GPC6: variants seen among roughly 807,000 people sequenced by gnomAD.
GPC6 encodes glypican 6, also known as glypican-6.
GPC6 carries 14 observed loss-of-function variants against 55.2 expected under a neutral mutation model. That is an observed-to-expected ratio of 0.25 (90% CI 0.17 to 0.40). GPC6 has a LOEUF of 0.40. GPC6 is among the 10% of genes least tolerant of loss of function. GPC6 has a pLI of 1.00. For synonymous variants in GPC6, 278 were observed against 259.6 expected (o/e 1.07, Z -0.68); for missense variants, 641 against 708.5 (o/e 0.90, Z 1.08).
At chr13:93,682,009 A>G (rs182163652) in intron 2 of GPC6, among the ~76,000 whole-genome samples, 43 of 152,256 alleles carry the variant, frequency 2.8e-4, no homozygotes, top group African/African-American at 9.9e-4. Context: ...TAATTTAGAG[A>G]AGAACATTTT....
intron 3 of GPC6, among the ~76,000 whole-genome samples, chr13:93,853,000 TA>T (rs1249047742): frequency 6.6e-6 from 1 of 151,686 alleles, no homozygotes; most frequent in Non-Finnish European, 1.5e-5. Context: ...AAATGGTAAT[TA>T]AAAATCCAGT....
rs1273021153 is a variant in GPC6 at position 93,597,303 on chromosome 13, C to T, written c.319+51882C>T. 3.3e-5 allele frequency among the ~76,000 whole-genome samples: 5 copies of T among 152,280 alleles called. No homozygotes were observed. The East Asian group carries it at 9.7e-4, about 29-fold the overall frequency. ...TCACAGAGCATCATTATAGAGATAT[C>T]AGAGCAGACCCTAGTGAATGCCACA... On this transcript the variant is annotated intron_variant, in intron 2 of 8. Coordinates refer to ENST00000377047, the MANE Select transcript of GPC6 (RefSeq NM_005708.5).
chr13:93,477,937 A>C (rs1329308818), intron 1 of GPC6, among the ~76,000 whole-genome samples: 1 of 152,164 alleles, frequency 6.6e-6, no homozygotes, highest in Admixed American at 6.5e-5. Flanking sequence ...CTGCTTATTT[A>C]GAGTTATTAA....
chr13:93,806,259 C>T (rs186618108), intron 2 of GPC6, among the ~76,000 whole-genome samples: 16 of 152,266 alleles, frequency 1.1e-4, no homozygotes, highest in East Asian at 9.6e-4. Flanking sequence ...GCCTCTGTTC[C>T]ATTGTGCATT....
chr13:93,491,342 C>A (rs1245144389), intron 1 of GPC6, among the ~76,000 whole-genome samples: 1 of 32,066 alleles, frequency 3.1e-5, no homozygotes, highest in Non-Finnish European at 6.0e-5. Flanking sequence ...CTGTTCATGT[C>A]CTTCGCCCAC....
intron 2 of GPC6, among the ~76,000 whole-genome samples, chr13:93,739,683 C>T (rs1218063292): frequency 6.6e-6 from 1 of 152,196 alleles, no homozygotes; most frequent in South Asian, 2.1e-4. Flanking sequence ...CCCGCCTCCA[C>T]GTCCCAAAGT....
rs536875025 is a variant in GPC6, at chr13:93,656,553, A to G, written c.319+111132A>G. ...TTTTCTGTAAATGTACTTACCTCTT[A>G]GAGGCACGGTAGCCTGACTATCCAG... On this transcript the variant is annotated intron_variant, in intron 2 of 8. Transcript: ENST00000377047. 2.6e-5 allele frequency among the ~76,000 whole-genome samples: 4 copies of G among 152,238 alleles called. No individual in the cohort carries two copies. In the South Asian group the frequency reaches 6.2e-4, roughly 24 times the overall value.
At chr13:93,484,125 G>A (rs1019535927) in intron 1 of GPC6, among the ~76,000 whole-genome samples, 1 of 151,744 alleles carries the variant, frequency 6.6e-6, no homozygotes, top group Non-Finnish European at 1.5e-5. Flanking sequence ...TGGATCCAGG[G>A]TGTGTTATCT....
chr13:93,452,996 GCTTAA>G (rs1288034430), intron 1 of GPC6, among the ~76,000 whole-genome samples: 2 of 152,178 alleles, frequency 1.3e-5, no homozygotes, highest in African/African-American at 4.8e-5. Context: ...AGCTTTGTAA[GCTTAA>G]CTTATGTACC....
At chr13:94,012,965 C>T (rs190471855) in intron 3 of GPC6, among the ~76,000 whole-genome samples, 46 of 152,254 alleles carry the variant, frequency 3.0e-4, no homozygotes, top group East Asian at 1.7e-3. Flanking sequence ...CCTGATGAGA[C>T]GCTTAGGGAT....
chr13:93,303,363 ATAAG>A (rs1878745077), intron 1 of GPC6, among the ~76,000 whole-genome samples: 1 of 152,200 alleles, frequency 6.6e-6, no homozygotes, highest in Non-Finnish European at 1.5e-5. Flanking sequence ...TGTTGGGAAA[ATAAG>A]TAAGTTAATA....
At chr13:93,603,327 T>C (rs1878103463) in intron 2 of GPC6, among the ~76,000 whole-genome samples, 1 of 152,188 alleles carries the variant, frequency 6.6e-6, no homozygotes, top group African/African-American at 2.4e-5. Context: ...TATTATTTCT[T>C]GTTAGCCATA....
At chr13:93,234,057 C>T (rs954795032) in intron 1 of GPC6, among the ~76,000 whole-genome samples, 1 of 152,164 alleles carries the variant, frequency 6.6e-6, no homozygotes, top group African/African-American at 2.4e-5. Context: ...AAAACTGTAC[C>T]TGTCTGCTAG....
At chr13:93,924,207 G>A (rs1162066709) in intron 3 of GPC6, among the ~76,000 whole-genome samples, 2 of 152,204 alleles carry the variant, frequency 1.3e-5, no homozygotes, top group African/African-American at 2.4e-5. Context: ...TATACAGTAT[G>A]TATGGCTCTC....
chr13:93,369,530 C>T (rs1447735804), intron 1 of GPC6, among the ~76,000 whole-genome samples: 1 of 152,040 alleles, frequency 6.6e-6, no homozygotes. Context: ...TTTTTGTTGG[C>T]ATAGTCTATT....
intron 3 of GPC6, among the ~76,000 whole-genome samples, chr13:93,914,337 G>A (rs1335285124): frequency 6.6e-6 from 1 of 151,978 alleles, no homozygotes; most frequent in Non-Finnish European, 1.5e-5. Flanking sequence ...TTGTCCTTGC[G>A]ATAGTTTGCT....
intron 3 of GPC6, among the ~76,000 whole-genome samples, chr13:93,898,252 C>T (rs1379299302): frequency 2.0e-5 from 3 of 152,044 alleles, no homozygotes; most frequent in Non-Finnish European, 4.4e-5. Flanking sequence ...TATTGGTCAC[C>T]GTATTGACAC....
At chr13:93,487,935 C>G (rs1369868644) in intron 1 of GPC6, among the ~76,000 whole-genome samples, 2 of 152,120 alleles carry the variant, frequency 1.3e-5, no homozygotes, top group African/African-American at 4.8e-5. Context: ...TAAAAATAAA[C>G]AAAATCTATA....
chr13:93,364,379 A>C (rs925750728), intron 1 of GPC6, among the ~76,000 whole-genome samples: 1 of 152,116 alleles, frequency 6.6e-6, no homozygotes, highest in Non-Finnish European at 1.5e-5. Context: ...TAAGAAAATC[A>C]CAATGATGCA....
Sources: gnomAD v4.1 joint callset for allele counts (sites outside exome capture counted in the v4.1 genomes callset) on GRCh38, gnomAD v4.1.1 for gene constraint, MANE v1.5 for transcripts, NCBI Gene and HGNC (gene_info 2026-07-23, HGNC 2026-07-21) for gene names.